Variants in ERBB4 observed in about 807,000 individuals in gnomAD.
ERBB4 encodes the protein erb-b2 receptor tyrosine kinase 4.
Under a neutral mutation model 158.0 loss-of-function variants are expected in ERBB4, and 42 were observed. That is an observed-to-expected ratio of 0.27 (90% CI 0.21 to 0.34). The LOEUF (loss-of-function observed/expected upper bound fraction) is 0.34, where lower values mean the gene tolerates loss of function less well. ERBB4 is among the 10% of genes least tolerant of loss of function. ERBB4 has a pLI of 1.00. For synonymous variants in ERBB4, 583 were observed against 558.7 expected, an observed-to-expected ratio of 1.04 and a Z score of -0.61; for missense variants, 1,333 against 1,624.1, an observed-to-expected ratio of 0.82 and a Z score of 3.08.
intron 20 of ERBB4, chr2:211,561,650 A>ACTACCAAG: frequency 2.1e-6 from 1 of 487,802 alleles, no homozygotes; most frequent in East Asian, 3.9e-5. Flanking sequence ...CCTCCCCCTG[A>ACTACCAAG]CTACCAAGCT....
chr2:212,044,338 T>C (rs967430107), intron 2 of ERBB4, among the ~76,000 whole-genome samples: 1 of 152,178 alleles, frequency 6.6e-6, no homozygotes, highest in Non-Finnish European at 1.5e-5. Context: ...ATTCAAGATA[T>C]AAGTACAAGT....
At chr2:211,807,466 C>T (rs913167858) in intron 3 of ERBB4, among the ~76,000 whole-genome samples, 3 of 152,176 alleles carry the variant, frequency 2.0e-5, no homozygotes, top group Admixed American at 6.5e-5. Flanking sequence ...CTACAAAGGA[C>T]GTGAACTCAT....
At chr2:211,529,038 C>G (rs1212201152) in intron 20 of ERBB4, among the ~76,000 whole-genome samples, 1 of 147,942 alleles carries the variant, frequency 6.8e-6, no homozygotes, top group Non-Finnish European at 1.5e-5. Flanking sequence ...AACAAGAAAA[C>G]AAAAGATCAA....
At chr2:211,659,291 G>C (rs2071332951) in intron 15 of ERBB4, among the ~76,000 whole-genome samples, 1 of 151,858 alleles carries the variant, frequency 6.6e-6, no homozygotes, top group Non-Finnish European at 1.5e-5. Context: ...GAAATAGAGA[G>C]AATACACCTG....
intron 2 of ERBB4, among the ~76,000 whole-genome samples, chr2:211,995,679 C>T (rs894820352): frequency 6.6e-6 from 1 of 152,102 alleles, no homozygotes; most frequent in Non-Finnish European, 1.5e-5. Flanking sequence ...TTGCGCATTA[C>T]TGCTTGTATC....
chr2:211,451,703 C>T (rs1400676307), intron 20 of ERBB4, among the ~76,000 whole-genome samples: 1 of 152,136 alleles, frequency 6.6e-6, no homozygotes, highest in Non-Finnish European at 1.5e-5. Flanking sequence ...GTAAATGCAA[C>T]CTCTGGCAGA....
rs569341615 is a variant in ERBB4, at chr2:211,701,895, A to G, written c.1489+72T>C. 6 of 1,136,504 alleles carry G rather than the reference A, an allele frequency of 5.3e-6. No individual in the cohort carries two copies. In the Admixed American group the frequency reaches 6.8e-5, roughly 13 times the overall value. 70.4% of individuals were successfully genotyped at this position (1,136,504 alleles called of 1,614,324 possible). ...CAATTCTGACCGGATGTTATTTTTA[A>G]TTGTTTGGTCCAAAGAAGAATGGGA... On this transcript the variant is annotated intron_variant, in intron 12 of 27. Coordinates refer to ENST00000342788, the MANE Select transcript of ERBB4 (RefSeq NM_005235.3).
chr2:211,853,984 A>G (rs1194915662), intron 3 of ERBB4, among the ~76,000 whole-genome samples: 1 of 152,090 alleles, frequency 6.6e-6, no homozygotes, highest in Non-Finnish European at 1.5e-5. Flanking sequence ...TAACAATATG[A>G]ACCTTTTAAC....
intron 25 of ERBB4, among the ~76,000 whole-genome samples, chr2:211,416,572 G>C (rs962649122): frequency 6.6e-6 from 1 of 152,144 alleles, no homozygotes; most frequent in Admixed American, 6.5e-5. Flanking sequence ...AGATTTGCAG[G>C]AAGTCAGATT....
intron 2 of ERBB4, among the ~76,000 whole-genome samples, chr2:212,019,791 GA>G (rs1457428004): frequency 3.6e-5 from 5 of 137,388 alleles, no homozygotes; most frequent in Admixed American, 7.3e-5. Context: ...AGAAAGAAAA[GA>G]AAAAAAGAAA....
At chr2:212,318,211 A>C (rs2087383888) in intron 1 of ERBB4, among the ~76,000 whole-genome samples, 1 of 151,592 alleles carries the variant, frequency 6.6e-6, no homozygotes, top group South Asian at 2.1e-4. Context: ...GTCTAAATGA[A>C]AAAGCCTTTG....
intron 4 of ERBB4, among the ~76,000 whole-genome samples, chr2:211,772,989 G>T (rs1308792336): frequency 1.6e-5 from 2 of 126,452 alleles, no homozygotes; most frequent in Admixed American, 8.7e-5. Flanking sequence ...CTACTCTGTT[G>T]CCCAGGTTGC....
At position 211,751,812 on chromosome 2, in the gene ERBB4, C is replaced by T. The variant is rs527711094; in HGVS notation, c.557-1108G>A. Among the ~76,000 whole-genome samples, 7 of 152,244 alleles carry T rather than the reference C, an allele frequency of 4.6e-5. No homozygotes were observed. In the South Asian group the frequency reaches 8.3e-4, roughly 18 times the overall value. On this transcript the variant is annotated intron_variant, in intron 4 of 27. Coordinates refer to ENST00000342788, the MANE Select transcript of ERBB4 (RefSeq NM_005235.3). ...GAGCCTATTCTGTTAAATGAGTACA[C>T]GGTTAAGATGCAGATTCAAAAGACA...
chr2:212,294,162 C>A (rs2086324070), intron 1 of ERBB4, among the ~76,000 whole-genome samples: 1 of 151,916 alleles, frequency 6.6e-6, no homozygotes, highest in African/African-American at 2.4e-5. Context: ...TTTTATTTTG[C>A]TGTTAAGAAT....
At chr2:211,768,010 A>G (rs1418975501) in intron 4 of ERBB4, among the ~76,000 whole-genome samples, 1 of 152,210 alleles carries the variant, frequency 6.6e-6, no homozygotes, top group Non-Finnish European at 1.5e-5. Flanking sequence ...AGTCTGTAAA[A>G]TTGAAAGCAA....
At chr2:211,453,273 T>C (rs1049115166) in intron 20 of ERBB4, among the ~76,000 whole-genome samples, 3 of 152,198 alleles carry the variant, frequency 2.0e-5, no homozygotes, top group African/African-American at 7.2e-5. Flanking sequence ...AAGTTTAAGT[T>C]ATCTCAAGTC....
At chr2:212,496,217 A>C (rs954605421) in intron 1 of ERBB4, among the ~76,000 whole-genome samples, 1 of 151,962 alleles carries the variant, frequency 6.6e-6, no homozygotes, top group African/African-American at 2.4e-5. Flanking sequence ...CAAGCAGAAA[A>C]CCAGAATAAA....
Position 212,474,005 on chromosome 2 carries a change from T to A in ERBB4, c.82+64444A>T, listed in dbSNP as rs12620242. 3.6e-3 allele frequency among the ~76,000 whole-genome samples: 546 copies of A among 152,272 alleles called. 16 individuals carry two copies. In the East Asian group the frequency reaches 0.075, roughly 21 times the overall value. On this transcript the variant is annotated intron_variant, in intron 1 of 27. Transcript: ENST00000342788. ...CAAAATTCAACCAATTGTAGAAAAT[T>A]CCTTAAAATTATACTTTGATAGTGA...
In ERBB4 at chr2:212,094,894, A is replaced by C. The variant is rs113648334; in HGVS notation, c.234+29858T>G. ...CATAAAGATTATTTATTACATTTAT[A>C]TGTTTATGAAATAAATGTGTTATAT... is the stretch of plus-strand genomic sequence containing the variant. On this transcript the variant is annotated intron_variant, in intron 2 of 27. Transcript: ENST00000342788. 5.4e-4 allele frequency among the ~76,000 whole-genome samples: 82 copies of C among 151,332 alleles called. 1 individual carries two copies. Among genetic ancestry groups the C allele is most frequent in the Middle Eastern group, 3.4e-3 (1 of 292 alleles).
Sources: allele counts gnomAD v4.1 joint callset (sites outside exome capture counted in the v4.1 genomes callset), GRCh38; gene constraint gnomAD v4.1.1; transcripts MANE v1.5; gene names NCBI Gene and HGNC (gene_info 2026-07-23, HGNC 2026-07-21).